CCDC88C: variants seen among roughly 807,000 people sequenced by gnomAD.
CCDC88C encodes the protein coiled-coil and HOOK domain protein 88C, also known as protein Daple.
CCDC88C carries 131 observed loss-of-function variants against 198.8 expected under a neutral mutation model. The observed-to-expected ratio is 0.66, with a 90% CI of 0.57 to 0.76. CCDC88C has a LOEUF of 0.76. Among genes scored for constraint, CCDC88C ranks in the 30% least tolerant of loss-of-function variants. The pLI, the probability that CCDC88C is intolerant of heterozygous loss-of-function variation, is 0.00. For synonymous variants in CCDC88C, 1,166 were observed against 1,114.7 expected (o/e 1.05, Z -0.92); for missense variants, 2,553 against 2,631.6 (o/e 0.97, Z 0.65).
At chr14:91,311,512 A>G (rs944623405) in intron 15 of CCDC88C, among the ~76,000 whole-genome samples, 2 of 152,210 alleles carry the variant, frequency 1.3e-5, no homozygotes, top group African/African-American at 4.8e-5. Context: ...AGGAACCAGA[A>G]GAGGACTCCA....
intron 10 of CCDC88C, among the ~76,000 whole-genome samples, chr14:91,331,155 G>C (rs1296258224): frequency 1.3e-5 from 2 of 152,124 alleles, no homozygotes; most frequent in Non-Finnish European, 2.9e-5. Flanking sequence ...CTCCAGACTG[G>C]GGGAAATGGG....
chr14:91,293,673 C>A (rs1172785987), intron 23 of CCDC88C, among the ~76,000 whole-genome samples: 2 of 152,028 alleles, frequency 1.3e-5, no homozygotes, highest in Non-Finnish European at 2.9e-5. Context: ...TTTTTCCATG[C>A]TTCATGTAAC....
intron 23 of CCDC88C, among the ~76,000 whole-genome samples, chr14:91,291,986 C>T (rs1316357619): frequency 6.6e-6 from 1 of 152,188 alleles, no homozygotes; most frequent in Non-Finnish European, 1.5e-5. Flanking sequence ...CTGCTGCCCA[C>T]TCATGCCTCA....
At chr14:91,324,638 C>G in intron 12 of CCDC88C, 141 bp downstream of exon 12, 2 of 1,086,396 alleles carry the variant, frequency 1.8e-6, no homozygotes, top group South Asian at 3.0e-5. Context: ...TGAAACAGTT[C>G]CAAGTGGAGC....
intron 5 of CCDC88C, among the ~76,000 whole-genome samples, chr14:91,343,120 A>G (rs1335773028): frequency 6.6e-6 from 1 of 151,926 alleles, no homozygotes; most frequent in Non-Finnish European, 1.5e-5. Context: ...ACACCCAGCT[A>G]ATGTTTTCTA....
chr14:91,332,963 T>C (rs955218076), intron 10 of CCDC88C, among the ~76,000 whole-genome samples: 1 of 152,190 alleles, frequency 6.6e-6, no homozygotes, highest in African/African-American at 2.4e-5. Flanking sequence ...AAACCCTGCC[T>C]TTCCGGAGGG....
At chr14:91,274,035 C>A (rs550432158) in intron 29 of CCDC88C, among the ~76,000 whole-genome samples, 5 of 152,050 alleles carry the variant, frequency 3.3e-5, no homozygotes, top group Admixed American at 6.5e-5. Context: ...AGAATGCTGG[C>A]GGATATGAGC....
chr14:91,342,107 T>C (rs1331100135), intron 6 of CCDC88C: 1 of 355,424 alleles, frequency 2.8e-6, no homozygotes, highest in Non-Finnish European at 5.2e-6. Flanking sequence ...TCTGAGTCCA[T>C]ATAAGGCAAA....
chr14:91,346,481 A>AT (rs33941089), intron 4 of CCDC88C, among the ~76,000 whole-genome samples: 109 of 149,542 alleles, frequency 7.3e-4, no homozygotes, highest in East Asian at 2.1e-3. Flanking sequence ...AAATCTTAGG[A>AT]TTTTTTTTTT....
intron 6 of CCDC88C, 65 bp downstream of exon 6, chr14:91,342,315 T>C (rs1893344626): frequency 2.0e-6 from 2 of 997,284 alleles, no homozygotes; most frequent in African/African-American, 1.6e-5. Flanking sequence ...TAGAGAAGTT[T>C]TGCCTCCCGG....
chr14:91,299,953 G>T lies in CCDC88C; in HGVS notation c.3753C>A (p.Asn1251Lys). 6.3e-7 allele frequency: 1 copy of T among 1,591,740 alleles called. No individual in the cohort carries two copies. Reference sequence around the variant, plus strand: ...TGTCCAGCTCGCCCCGCAGCCTCTGGTTCTCGCCCATGGCGAGGGCGTTTG... The same window carrying T: ...TGTCCAGCTCGCCCCGCAGCCTCTGTTTCTCGCCCATGGCGAGGGCGTTTG... The part of the protein sequence containing the change: ...QRTNALAMGE[N>K]QRLRGELDRV... Residue 1251 changes from asparagine to lysine, a missense_variant, in exon 21 of 30, where the codon AAC (asparagine) becomes AAA (lysine). By Grantham distance (94) the Asn-to-Lys change is moderately conservative. Coordinates refer to ENST00000389857, the MANE Select transcript of CCDC88C (RefSeq NM_001080414.4).
At position 91,352,603 on chromosome 14, in the gene CCDC88C, A is replaced by G. The variant is rs1893864464; in HGVS notation, c.340+7039T>C. 6.6e-6 allele frequency among the ~76,000 whole-genome samples: 1 copy of G among 152,216 alleles called. No individual in the cohort carries two copies. The highest frequency in any genetic ancestry group is 1.5e-5 in the Non-Finnish European group (1 of 68,034). ...TTTCTTATTTCTTCCCTCCCATTCA[A>G]ACGCCCAAAACGTTTTGCAAATATG... On this transcript the variant is annotated intron_variant, in intron 4 of 29. Transcript: ENST00000389857. This position sits in a 1 kb window ranked among gnomAD's most constrained non-coding sequence, Gnocchi z 4.2.
At chr14:91,380,007 C>A (rs1884690806) in intron 3 of CCDC88C, 3 of 657,354 alleles carry the variant, frequency 4.6e-6, no homozygotes, top group African/African-American at 1.8e-5. Flanking sequence ...ACCGTGAGAA[C>A]CAACTCCACG....
At chr14:91,395,707 T>C (rs577035751) in intron 3 of CCDC88C, among the ~76,000 whole-genome samples, 8 of 152,052 alleles carry the variant, frequency 5.3e-5, no homozygotes, top group African/African-American at 1.7e-4. Flanking sequence ...CAGGCCAGGA[T>C]TGCCCAGCTG....
intron 10 of CCDC88C, among the ~76,000 whole-genome samples, chr14:91,331,961 G>T (rs1479467095): frequency 6.6e-6 from 1 of 151,930 alleles, no homozygotes; most frequent in African/African-American, 2.4e-5. Flanking sequence ...GCCCCTGGGT[G>T]TAGACTCTGC....
chr14:91,343,868 G>C (rs921114460), intron 4 of CCDC88C, among the ~76,000 whole-genome samples: 1 of 152,066 alleles, frequency 6.6e-6, no homozygotes, highest in African/African-American at 2.4e-5. Context: ...CACCCAGGCT[G>C]GAGTGCAGTG....
intron 13 of CCDC88C, among the ~76,000 whole-genome samples, chr14:91,317,787 G>T (rs535827855): frequency 6.6e-6 from 1 of 152,196 alleles, no homozygotes; most frequent in Non-Finnish European, 1.5e-5. Flanking sequence ...GGCTGGCGTC[G>T]GGCCAGGGAG....
intron 10 of CCDC88C, among the ~76,000 whole-genome samples, chr14:91,326,465 G>A (rs1303907379): frequency 6.6e-6 from 1 of 151,872 alleles, no homozygotes. Context: ...CACCTGCCTC[G>A]GCCTCCTAAA....
At chr14:91,362,952 C>T (rs917230926) in intron 3 of CCDC88C, among the ~76,000 whole-genome samples, 1 of 151,214 alleles carries the variant, frequency 6.6e-6, no homozygotes. Context: ...AAAAAGAAAT[C>T]ATGTTTTAGG....
Sources: allele counts gnomAD v4.1 joint callset (sites outside exome capture counted in the v4.1 genomes callset), GRCh38; gene constraint gnomAD v4.1.1; non-coding constraint Gnocchi (gnomAD v3.1); transcripts MANE v1.5; gene names NCBI Gene and HGNC (gene_info 2026-07-23, HGNC 2026-07-21).